Variants in CD1A observed in about 807,000 individuals in gnomAD.
CD1A encodes the protein T-cell surface glycoprotein CD1a.
Under a neutral mutation model 38.3 loss-of-function variants are expected in CD1A, and 50 were observed. That is an observed-to-expected ratio of 1.30 (90% CI 1.04 to 1.65). CD1A has a LOEUF of 1.65. CD1A is among the 40% of genes most tolerant of loss of function. The pLI is 0.00. For missense variants in CD1A, 459 were observed against 406.1 expected (o/e 1.13, Z -1.12); for synonymous variants, 160 against 150.8 (o/e 1.06, Z -0.45).
chr1:158,248,431 A>T, the CD1A span: 1 of 985,094 alleles, frequency 1.0e-6, no homozygotes, highest in Non-Finnish European at 1.2e-6. Flanking sequence ...GCTACAGTGA[A>T]CAGGAACATG....
rs751641070 is a variant in CD1A, at chr1:158,256,885, T to C, written c.704T>C (p.Val235Ala). 1 of 1,614,052 alleles carries C rather than the reference T, an allele frequency of 6.2e-7. No homozygotes were observed. The highest frequency in any genetic ancestry group is 8.5e-7 in the Non-Finnish European group (1 of 1,180,026). The change falls in exon 4 of 6, where the codon GTG becomes GCG. Residue 235 changes from valine (V) to alanine (A), a missense_variant. Transcript: ENST00000289429. ...VSGFYPKPVWVMWMRGEQEQQ... is the reference protein window; with the variant it reads ...VSGFYPKPVWAMWMRGEQEQQ... The stretch of plus-strand genomic sequence containing the variant: ...GGATTCTACCCAAAGCCCGTGTGGG[T>C]GATGTGGATGCGGGGTGAGCAGGAG...
upstream of CD1A, among the ~76,000 whole-genome samples, chr1:158,252,318 A>T (rs1175848086): frequency 6.6e-6 from 1 of 152,072 alleles, no homozygotes; most frequent in African/African-American, 2.4e-5. Context: ...TTAGAGACTG[A>T]TGCGAATTTC....
the CD1A span, chr1:158,248,447 G>A: frequency 1.0e-6 from 1 of 983,216 alleles, no homozygotes; most frequent in Admixed American, 6.1e-5. Context: ...ACATGCTTTT[G>A]GCCTGAACAC....
intron 3 of CD1A, 80 bp downstream of exon 3, chr1:158,256,362 G>A (rs1403330561): frequency 7.2e-7 from 1 of 1,390,104 alleles, no homozygotes; most frequent in African/African-American, 1.4e-5. Flanking sequence ...TTTAGAATAA[G>A]GAAGAGCCAC....
the CD1A span, chr1:158,248,424 A>G: frequency 1.3e-5 from 13 of 985,100 alleles, no homozygotes; most frequent in Admixed American, 1.8e-4. Flanking sequence ...AAGTGCTGCT[A>G]CAGTGAACAG....
chr1:158,256,746 C>T lies in CD1A; in HGVS notation c.605-40C>T, dbSNP rs765461043. The stretch of plus-strand genomic sequence containing the variant: ...TCTAAACTGTTGTGGAGATATGAAA[C>T]TCCAAGTCTGTATTTGAATATCTTT... On this transcript the variant is annotated intron_variant, in intron 3 of 5. Coordinates refer to ENST00000289429, the MANE Select transcript of CD1A (RefSeq NM_001763.3). 5 of 1,593,294 alleles carry T rather than the reference C, an allele frequency of 3.1e-6. No homozygotes were observed. The Admixed American group carries it at 8.5e-5, about 27-fold the overall frequency.
chr1:158,257,634 T>C (rs1650305567), intron 5 of CD1A, 47 bp from the exon 6 acceptor site: 1 of 1,610,208 alleles, frequency 6.2e-7, no homozygotes, highest in South Asian at 1.1e-5. Context: ...TCCTCAATTC[T>C]CAGCTCCACC....
intron 2 of CD1A, 126 bp downstream of exon 2, chr1:158,255,476 C>A: frequency 9.5e-7 from 1 of 1,047,394 alleles, no homozygotes; most frequent in Non-Finnish European, 1.4e-6. Flanking sequence ...CACCATAAAA[C>A]TGCAATTGCA....
Position 158,257,907 on chromosome 1 carries a change from G to A in CD1A, c.*217G>A, listed in dbSNP as rs1456553647. On this transcript the variant is annotated 3_prime_UTR_variant, in exon 6 of 6. Transcript: ENST00000289429. Reference sequence around the variant, plus strand: ...TTTGTTGTTCTGACCTGGGTTCTGGGACTTTTAAATTCAAATTTTATCTCC... The same window carrying A: ...TTTGTTGTTCTGACCTGGGTTCTGGAACTTTTAAATTCAAATTTTATCTCC... 3 of 546,264 alleles carry A rather than the reference G, an allele frequency of 5.5e-6. No homozygotes were observed. The highest frequency in any genetic ancestry group is 9.7e-6 in the Non-Finnish European group (3 of 307,824). The allele number at this position is 546,264 out of a possible 1,614,324, so 33.8% of individuals were successfully genotyped here.
In CD1A at chr1:158,257,643, C is replaced by T. The variant is rs778587691; in HGVS notation, c.975-38C>T. 25 of 1,612,248 alleles carry T rather than the reference C, an allele frequency of 1.6e-5. No individual in the cohort carries two copies. The Admixed American group carries it at 4.2e-4, about 27-fold the overall frequency. ...TCTTGCTCCTCAATTCTCAGCTCCACCTTATTCAGAGTGACTTCTATCTCT... is the reference window on the plus strand; with the variant it reads ...TCTTGCTCCTCAATTCTCAGCTCCATCTTATTCAGAGTGACTTCTATCTCT... On this transcript the variant is annotated intron_variant, in intron 5 of 5. Coordinates refer to ENST00000289429, the MANE Select transcript of CD1A (RefSeq NM_001763.3).
Position 158,256,112 on chromosome 1 carries a change from A to G in CD1A, c.434A>G (p.Asn145Ser), listed in dbSNP as rs1479188883. The G allele has an allele frequency of 4.3e-6, 7 of 1,614,100 alleles. No homozygotes were observed. The highest frequency in any genetic ancestry group is 5.9e-6 in the Non-Finnish European group (7 of 1,180,046). ...YQGSDFVSFQ[N>S]NSWLPYPVAG... ...GGATCAGACTTTGTGAGCTTCCAGA[A>G]CAATTCATGGTTGCCATATCCAGTG... Residue 145 changes from asparagine (N) to serine (S), a missense_variant, in exon 3 of 6, where the codon AAC becomes AGC. Coordinates refer to ENST00000289429, the MANE Select transcript of CD1A (RefSeq NM_001763.3).
intron 4 of CD1A, 120 bp from the exon 5 acceptor site, chr1:158,257,301 A>G: frequency 1.0e-6 from 1 of 967,630 alleles, no homozygotes; most frequent in Non-Finnish European, 1.6e-6. Context: ...GAAAAAAAGG[A>G]GATTGGTAAG....
upstream of CD1A, among the ~76,000 whole-genome samples, chr1:158,252,994 G>C (rs949349132): frequency 6.6e-6 from 1 of 152,186 alleles, no homozygotes; most frequent in African/African-American, 2.4e-5. Context: ...CACTTTGGGA[G>C]GCTGACACAG....
chr1:158,252,675 G>A (rs1327772450), upstream of CD1A, among the ~76,000 whole-genome samples: 1 of 151,364 alleles, frequency 6.6e-6, no homozygotes, highest in Non-Finnish European at 1.5e-5. Context: ...GGGAGGCTGA[G>A]GCAGGTGGAT....
At chr1:158,255,047 T>C (rs1446454719) in intron 1 of CD1A, 37 bp from the exon 2 acceptor site, 1 of 1,603,476 alleles carries the variant, frequency 6.2e-7, no homozygotes, top group Non-Finnish European at 8.5e-7. Flanking sequence ...TCTTTCTCAA[T>C]GTCTTTCTCC....
At chr1:158,257,365 G>A (rs1650295152) in intron 4 of CD1A, 56 bp from the exon 5 acceptor site, 2 of 1,294,640 alleles carry the variant, frequency 1.5e-6, no homozygotes, top group Non-Finnish European at 2.2e-6. Context: ...AATAGGGAGT[G>A]GATGAGGTAA....
intron 3 of CD1A, 47 bp downstream of exon 3, chr1:158,256,329 AC>A: frequency 6.5e-7 from 1 of 1,546,458 alleles, no homozygotes; most frequent in Non-Finnish European, 8.8e-7. Flanking sequence ...TGAAAATCAT[AC>A]CCTTCCACCA....
intron 2 of CD1A, among the ~76,000 whole-genome samples, 177 bp downstream of exon 2, chr1:158,255,527 A>G (rs1650229091): frequency 6.6e-6 from 1 of 152,152 alleles, no homozygotes; most frequent in Non-Finnish European, 1.5e-5. Context: ...TTAATTCTCC[A>G]AACACTTCTG....
chr1:158,254,030 G>GTTTTTTTTTTTTTTTTTTTTTTT (rs1398850181), upstream of CD1A: 3 of 45,796 alleles, frequency 6.6e-5, no homozygotes, highest in African/African-American at 1.7e-4. Flanking sequence ...GTGTTCCTGT[G>GTTTTTTTTTTTTTTTTTTTTTTT]GTTTTTTTTT....
Sources: gnomAD v4.1 joint callset for allele counts (sites outside exome capture counted in the v4.1 genomes callset) on GRCh38, gnomAD v4.1.1 for gene constraint, MANE v1.5 for transcripts, NCBI Gene and HGNC (gene_info 2026-07-23, HGNC 2026-07-21) for gene names.